The following FOXP1 variants were observed in gnomAD, a reference collection of about 807,000 sequenced individuals.
The protein encoded by FOXP1 is forkhead box P1.
Under a neutral mutation model 98.2 loss-of-function variants are expected in FOXP1, and 15 were observed. The ratio of observed to expected loss-of-function variants is 0.15; its 90% CI spans 0.10 to 0.24. The LOEUF (loss-of-function observed/expected upper bound fraction) is 0.24, where lower values mean the gene tolerates loss of function less well. Among genes scored for constraint, FOXP1 ranks in the 10% least tolerant of loss-of-function variants. FOXP1 has a pLI of 1.00. For missense variants in FOXP1, 633 were observed against 848.5 expected, an observed-to-expected ratio of 0.75 and a Z score of 3.15; for synonymous variants, 371 against 314.5, an observed-to-expected ratio of 1.18 and a Z score of -1.90.
At chr3:71,154,613 G>A (rs577097238) in intron 6 of FOXP1, among the ~76,000 whole-genome samples, 10 of 152,334 alleles carry the variant, frequency 6.6e-5, no homozygotes, top group South Asian at 4.1e-4. Flanking sequence ...CAAAGAACAC[G>A]GCTCTAGAGC....
At chr3:71,517,410 G>A (rs1276993943) in intron 2 of FOXP1, among the ~76,000 whole-genome samples, 1 of 152,184 alleles carries the variant, frequency 6.6e-6, no homozygotes, top group Admixed American at 6.5e-5. Context: ...CTTGGATTTA[G>A]CAGCCAAACT....
chr3:71,200,190 G>A (rs777028844), intron 5 of FOXP1, among the ~76,000 whole-genome samples: 2 of 151,238 alleles, frequency 1.3e-5, no homozygotes, highest in African/African-American at 2.4e-5. Context: ...CCAGAGAGCC[G>A]ATTCAGCACT....
chr3:71,428,866 C>T (rs138080058), intron 3 of FOXP1, among the ~76,000 whole-genome samples: 88 of 152,314 alleles, frequency 5.8e-4, no homozygotes, highest in Non-Finnish European at 1.2e-3. Context: ...TGAGCTCTCC[C>T]CACAACCTGG....
In FOXP1 at chr3:70,979,914, T is replaced by C. The variant is rs149266339; in HGVS notation, c.1147-1885A>G. Among the ~76,000 whole-genome samples the C allele has an allele frequency of 4.0e-4, 61 of 151,728 alleles. No homozygotes were observed. In the East Asian group the frequency reaches 0.011, roughly 28 times the overall value. On this transcript the variant is annotated intron_variant, in intron 14 of 20. Coordinates refer to ENST00000649528, the MANE Select transcript of FOXP1 (RefSeq NM_001349338.3). The stretch of plus-strand genomic sequence containing the variant: ...AAATACTAATGGAAAAATGTAAACA[T>C]GGCGCTGGAAACAGAATGTTGTGAG...
At chr3:71,261,417 AC>A (rs1206945685) in intron 5 of FOXP1, among the ~76,000 whole-genome samples, 1 of 152,128 alleles carries the variant, frequency 6.6e-6, no homozygotes, top group Non-Finnish European at 1.5e-5. Flanking sequence ...TAAAAAAAAA[AC>A]ATAAAATTGA....
intron 2 of FOXP1, among the ~76,000 whole-genome samples, chr3:71,509,927 C>T (rs1251139240): frequency 1.3e-5 from 2 of 152,102 alleles, no homozygotes; most frequent in Non-Finnish European, 2.9e-5. Context: ...GCCTGTAATC[C>T]CAGCACTTTG....
chr3:71,486,164 G>A (rs886450547), intron 3 of FOXP1, among the ~76,000 whole-genome samples: 1 of 152,130 alleles, frequency 6.6e-6, no homozygotes, highest in African/African-American at 2.4e-5. Context: ...TTCTGAGCAG[G>A]TGACTTATGC....
At chr3:71,515,708 T>C (rs1244513117) in intron 2 of FOXP1, among the ~76,000 whole-genome samples, 2 of 152,104 alleles carry the variant, frequency 1.3e-5, no homozygotes, top group Admixed American at 6.6e-5. Flanking sequence ...GAATGTAACA[T>C]TGTGAAGAAA....
At chr3:71,249,210 G>A (rs767536234) in intron 5 of FOXP1, among the ~76,000 whole-genome samples, 2 of 152,198 alleles carry the variant, frequency 1.3e-5, no homozygotes, top group Non-Finnish European at 2.9e-5. Context: ...GGGTCCTGGC[G>A]CCTGCCTGGC....
intron 6 of FOXP1, among the ~76,000 whole-genome samples, chr3:71,147,526 C>T (rs1411962628): frequency 2.0e-5 from 3 of 152,190 alleles, no homozygotes; most frequent in Non-Finnish European, 4.4e-5. Flanking sequence ...ACATCCTCTC[C>T]ACCATTAATG....
intron 5 of FOXP1, among the ~76,000 whole-genome samples, chr3:71,203,005 T>A (rs2108413461): frequency 6.6e-6 from 1 of 152,226 alleles, no homozygotes; most frequent in Middle Eastern, 3.4e-3. Context: ...ACTAACTCTA[T>A]AACTAACTAA....
At chr3:71,390,921 G>C (rs965398590) in intron 3 of FOXP1, among the ~76,000 whole-genome samples, 15 of 152,110 alleles carry the variant, frequency 9.9e-5, no homozygotes, top group African/African-American at 3.4e-4. Context: ...TGCAAATCCA[G>C]AATTAAACAC....
intron 4 of FOXP1, among the ~76,000 whole-genome samples, chr3:71,314,879 T>C (rs773156461): frequency 8.5e-5 from 13 of 152,048 alleles, no homozygotes; most frequent in Admixed American, 3.3e-4. Flanking sequence ...TCTTGTACTT[T>C]TCAAGTCTGT....
chr3:71,435,142 T>A (rs1421851189), intron 3 of FOXP1, among the ~76,000 whole-genome samples: 2 of 133,850 alleles, frequency 1.5e-5, no homozygotes, highest in East Asian at 2.2e-4. Flanking sequence ...ACGTTGAGGA[T>A]GAGGAGGAGA....
At chr3:71,483,459 A>AAC (rs2090433064) in intron 3 of FOXP1, among the ~76,000 whole-genome samples, 1 of 152,202 alleles carries the variant, frequency 6.6e-6, no homozygotes, top group African/African-American at 2.4e-5. Context: ...GGGCTTGGCA[A>AAC]ACTATAGGCG....
At chr3:71,141,051 G>C (rs751360784) in intron 6 of FOXP1, among the ~76,000 whole-genome samples, 5 of 151,854 alleles carry the variant, frequency 3.3e-5, no homozygotes, top group Non-Finnish European at 7.4e-5. Flanking sequence ...GGTGGATCAC[G>C]AGGTCAAGAG....
In FOXP1 at chr3:70,977,939, G is replaced by C. The variant is rs2107317317; in HGVS notation, c.1237C>G (p.Pro413Ala). 1.2e-6 allele frequency: 2 copies of C among 1,614,158 alleles called. No homozygotes were observed. The highest frequency in any genetic ancestry group is 2.2e-5 in the East Asian group (1 of 44,874). The change falls in exon 15 of 21, where the codon CCC becomes GCC. Residue 413 changes from proline to alanine, a missense_variant. By Grantham distance (27) the Pro-to-Ala change is conservative. This residue lies in a region of FOXP1 where 141 missense variants were observed against 199.5 expected (regional missense o/e 0.71). Transcript: ENST00000649528. The part of the protein sequence containing the change: ...LPHTPTTPTA[P>A]LTPVTQGPSV... ...GGGCCTTGGGTGACGGGAGTCAGGG[G>C]GGCGGTTGGGGTCGTTGGAGTATGA...
At chr3:71,328,993 A>AAC (rs1560314643) in intron 4 of FOXP1, among the ~76,000 whole-genome samples, 1 of 148,710 alleles carries the variant, frequency 6.7e-6, no homozygotes, top group Non-Finnish European at 1.5e-5. Flanking sequence ...AAAAAAACAA[A>AAC]AAAAAAAAAA....
intron 2 of FOXP1, among the ~76,000 whole-genome samples, chr3:71,538,671 T>C (rs762295377): frequency 6.6e-6 from 1 of 152,210 alleles, no homozygotes; most frequent in Non-Finnish European, 1.5e-5. Context: ...CTTGGGTTCA[T>C]ATGCAGGAGT....
Sources: allele counts gnomAD v4.1 joint callset (sites outside exome capture counted in the v4.1 genomes callset), GRCh38; gene constraint gnomAD v4.1.1; regional missense constraint gnomAD v4.1.1; transcripts MANE v1.5; gene names NCBI Gene and HGNC (gene_info 2026-07-23, HGNC 2026-07-21).